Variants in ZC3H12B observed in about 807,000 individuals in gnomAD.
ZC3H12B encodes zinc finger CCCH-type containing 12B.
A neutral mutation model predicts 43.9 loss-of-function variants in ZC3H12B; 7 were observed. The ratio of observed to expected loss-of-function variants is 0.16; its 90% confidence interval spans 0.09 to 0.30. The LOEUF is 0.30. ZC3H12B is among the 10% of genes least tolerant of loss of function. The probability of loss-of-function intolerance (pLI) is 1.00; values close to 1 mark genes in which losing one functional copy is unlikely to be tolerated. For synonymous variants in ZC3H12B, 222 were observed against 241.7 expected (o/e 0.92, Z 0.76); for missense variants, 475 against 670.2 (o/e 0.71, Z 3.22).
At chrX:65,478,294 C>T (rs970653403) in intron 3 of ZC3H12B, among the ~76,000 whole-genome samples, 1 of 112,249 alleles carries the variant, frequency 8.9e-6, no homozygotes, top group Non-Finnish European at 1.9e-5. Flanking sequence ...CCACCTCAGC[C>T]TCTTGAGTAG....
chrX:65,082,654 A>G, the ZC3H12B span, among the ~76,000 whole-genome samples: 3 of 111,311 alleles, frequency 2.7e-5, no homozygotes, highest in South Asian at 1.1e-3. Flanking sequence ...CTGGGAGCTG[A>G]TGGCTTCACT....
chrX:65,382,480 A>C (rs952933676), intron 2 of ZC3H12B, among the ~76,000 whole-genome samples: 14 of 111,386 alleles, frequency 1.3e-4, no homozygotes, highest in Middle Eastern at 4.7e-3. Context: ...TTTATGACAA[A>C]CCCACAGCCA....
intron 3 of ZC3H12B, among the ~76,000 whole-genome samples, chrX:65,454,159 G>T (rs1226056637): frequency 2.7e-5 from 3 of 112,820 alleles, no homozygotes; most frequent in Non-Finnish European, 3.8e-5. Flanking sequence ...AGTGGGTGCA[G>T]TGCACCAAGC....
chrX:65,127,709 G>A, the ZC3H12B span, among the ~76,000 whole-genome samples: 11 of 110,854 alleles, frequency 9.9e-5, no homozygotes, highest in African/African-American at 3.3e-4. Flanking sequence ...GGCTGCTGCG[G>A]AGGATGGGGA....
chrX:65,107,867 G>A, the ZC3H12B span, among the ~76,000 whole-genome samples: 1 of 111,049 alleles, frequency 9.0e-6, no homozygotes, highest in Non-Finnish European at 1.9e-5. Context: ...GTTCTTTATA[G>A]CAGCATTAGA....
intron 3 of ZC3H12B, among the ~76,000 whole-genome samples, chrX:65,457,448 G>A (rs1405846367): frequency 2.6e-5 from 2 of 76,005 alleles, no homozygotes; most frequent in African/African-American, 1.3e-4. Flanking sequence ...TGGTGGGGGG[G>A]TCAGCCCCCC....
intron 2 of ZC3H12B, among the ~76,000 whole-genome samples, chrX:65,395,525 G>T (rs1019229933): frequency 1.8e-5 from 2 of 112,366 alleles, no homozygotes; most frequent in Non-Finnish European, 3.8e-5. Context: ...ATTTGCATAT[G>T]TTGGACTAGC....
the ZC3H12B span, among the ~76,000 whole-genome samples, chrX:65,061,803 T>C: frequency 8.0e-5 from 9 of 112,434 alleles, no homozygotes; most frequent in Non-Finnish European, 1.7e-4. Flanking sequence ...AGCATTCTTA[T>C]TTCTCCACAT....
chrX:65,454,164 C>G (rs971431722), intron 3 of ZC3H12B, among the ~76,000 whole-genome samples: 1 of 112,666 alleles, frequency 8.9e-6, no homozygotes, highest in African/African-American at 3.2e-5. Context: ...GTGCAGTGCA[C>G]CAAGCCTGAG....
At chrX:65,240,035 C>G in the ZC3H12B span, among the ~76,000 whole-genome samples, 2 of 111,332 alleles carry the variant, frequency 1.8e-5, no homozygotes, top group Admixed American at 1.9e-4. Flanking sequence ...CTTGAAGAAT[C>G]TGATGATTAT....
chrX:65,402,075 G>A (rs1040388269), intron 3 of ZC3H12B, among the ~76,000 whole-genome samples: 17 of 111,775 alleles, frequency 1.5e-4, no homozygotes, highest in Admixed American at 6.6e-4. Context: ...TGGGCCAGAA[G>A]GGAACCCTGT....
At chrX:65,311,862 G>A in the ZC3H12B span, among the ~76,000 whole-genome samples, 12 of 111,071 alleles carry the variant, frequency 1.1e-4, no homozygotes, top group Non-Finnish European at 2.3e-4. Flanking sequence ...GATGCAGCTG[G>A]AAACCATCAT....
At chrX:65,392,046 T>C (rs2066624406) in intron 2 of ZC3H12B, among the ~76,000 whole-genome samples, 1 of 111,772 alleles carries the variant, frequency 8.9e-6, no homozygotes, top group Non-Finnish European at 1.9e-5. Flanking sequence ...GGATTGCAGA[T>C]GGAGTCTCGC....
chrX:65,226,573 A>G, the ZC3H12B span, among the ~76,000 whole-genome samples: 1 of 111,845 alleles, frequency 8.9e-6, no homozygotes, highest in African/African-American at 3.3e-5. Flanking sequence ...TCCAATTAAA[A>G]GACACAGACT....
intron 2 of ZC3H12B, among the ~76,000 whole-genome samples, chrX:65,371,200 A>T (rs986453202): frequency 8.9e-6 from 1 of 112,377 alleles, no homozygotes; most frequent in Non-Finnish European, 1.9e-5. Flanking sequence ...ATACACATTC[A>T]CTTACATTAA....
At chrX:65,140,077 T>C in the ZC3H12B span, among the ~76,000 whole-genome samples, 1 of 111,180 alleles carries the variant, frequency 9.0e-6, no homozygotes, top group Non-Finnish European at 1.9e-5. Flanking sequence ...TTGGATGCTT[T>C]TTATTTATTT....
chrX:65,307,442 T>C, the ZC3H12B span, among the ~76,000 whole-genome samples: 1 of 111,684 alleles, frequency 9.0e-6, no homozygotes, highest in African/African-American at 3.3e-5. Flanking sequence ...TACAGATAAA[T>C]GAGCAATGGA....
intron 3 of ZC3H12B, among the ~76,000 whole-genome samples, chrX:65,466,915 AATATATATATATATATATAT>A (rs58150008): frequency 0.054 from 1,301 of 23,942 alleles, 130 homozygotes; most frequent in East Asian, 0.46. Context: ...TATAAAACCA[AATATATATATATATATATAT>A]ATATATATAT....
intron 3 of ZC3H12B, among the ~76,000 whole-genome samples, chrX:65,406,271 G>C (rs1310230671): frequency 9.3e-6 from 1 of 106,995 alleles, no homozygotes; most frequent in Non-Finnish European, 1.9e-5. Flanking sequence ...CGAATTCAAT[G>C]TTACATTAAA....
Sources: gnomAD v4.1 joint callset for allele counts (sites outside exome capture counted in the v4.1 genomes callset) on GRCh38, gnomAD v4.1.1 for gene constraint, MANE v1.5 for transcripts, NCBI Gene and HGNC (gene_info 2026-07-23, HGNC 2026-07-21) for gene names.